The following ZNF865 variants were observed in gnomAD, a reference collection of about 807,000 sequenced individuals.
ZNF865 encodes the protein zinc finger protein 865.
For missense variants in ZNF865, 1,311 were observed against 1,593.4 expected (o/e 0.82, Z 3.02); for synonymous variants, 763 against 750.8 (o/e 1.02, Z -0.27).
Position 55,616,838 on chromosome 19 carries a change from C to G in ZNF865, c.*40C>G, listed in dbSNP as rs1241506879. 7.0e-7 allele frequency: 1 copy of G among 1,431,242 alleles called. No individual in the cohort carries two copies. The highest frequency in any genetic ancestry group is 2.9e-5 in the Admixed American group (1 of 34,718). 88.7% of individuals were successfully genotyped at this position (1,431,242 alleles called of 1,614,324 possible). On this transcript the variant is annotated 3_prime_UTR_variant, in exon 2 of 2. Transcript: ENST00000568956. Reference sequence around the variant, plus strand: ...TCCCACTCCCATCAAAAGCCCCCTTCTGGACTCCCACCTCCCAGGACTGAT... The same window carrying G: ...TCCCACTCCCATCAAAAGCCCCCTTGTGGACTCCCACCTCCCAGGACTGAT...
In ZNF865 at chr19:55,613,932, C is replaced by T. The variant is rs1473275380; in HGVS notation, c.314C>T (p.Ser105Leu). Residue 105 changes from serine to leucine, a missense_variant, in exon 2 of 2, where the codon TCG becomes TTG. Physicochemically the swap from Ser to Leu is moderately radical, Grantham distance 145. Coordinates refer to ENST00000568956, the MANE Select transcript of ZNF865 (RefSeq NM_001195605.2). ...TCCTCGTCCTCCTCCTCCTCCTCTT[C>T]GTCCTCCTCGTCGTCATCTTCGTCC... ...SSSSSSSSSS[S>L]SSSSSSSSSS... The T allele has an allele frequency of 2.6e-6, 4 of 1,530,508 alleles. No homozygotes were observed. The highest frequency in any genetic ancestry group is 3.9e-5 in the Admixed American group (2 of 50,744). The allele number at this position is 1,530,508 out of a possible 1,614,324, so 94.8% of individuals were successfully genotyped here.
At position 55,616,294 on chromosome 19, in the gene ZNF865, G is replaced by A. The variant is rs1275003914; in HGVS notation, c.2676G>A (p.Arg892=). ...GRGFLRSWYL[R]QHRVVHTGER... Reference sequence around the variant, plus strand: ...GCTTCCTGCGCTCCTGGTACCTGCGGCAGCACCGCGTGGTGCACACTGGCG... The same window carrying A: ...GCTTCCTGCGCTCCTGGTACCTGCGACAGCACCGCGTGGTGCACACTGGCG... Residue 892 remains arginine, a synonymous_variant, in exon 2 of 2, where the codon CGG becomes CGA. Coordinates refer to ENST00000568956, the MANE Select transcript of ZNF865 (RefSeq NM_001195605.2). The A allele has an allele frequency of 6.6e-7, 1 of 1,518,900 alleles. No homozygotes were observed. The highest frequency in any genetic ancestry group is 2.1e-5 in the Admixed American group (1 of 48,554). The allele number at this position is 1,518,900 out of a possible 1,614,324, so 94.1% of individuals were successfully genotyped here. A position where few individuals can be genotyped will look rare whatever the true frequency, so the allele number is the denominator to read the frequency against.
intron 1 of ZNF865, among the ~76,000 whole-genome samples, chr19:55,605,981 C>T (rs749051710): frequency 7.2e-5 from 11 of 152,250 alleles, no homozygotes; most frequent in East Asian, 1.9e-4. Context: ...TAAACGGCTG[C>T]CAGGGCCCCC....
chr19:55,615,372 A>G lies in ZNF865; in HGVS notation c.1754A>G (p.Lys585Arg). 6.6e-7 allele frequency: 1 copy of G among 1,503,878 alleles called. No homozygotes were observed. The highest frequency in any genetic ancestry group is 8.8e-7 in the Non-Finnish European group (1 of 1,132,454). 93.2% of individuals were successfully genotyped at this position (1,503,878 alleles called of 1,614,324 possible). Reference sequence around the variant, plus strand: ...CCCCACCAGTGCCCCGTGTGTGGGAAGCGCTTCCGCGAATCCTTCCACTTG... The same window carrying G: ...CCCCACCAGTGCCCCGTGTGTGGGAGGCGCTTCCGCGAATCCTTCCACTTG... ...EKPHQCPVCG[K>R]RFRESFHLSK... Residue 585 changes from lysine (K) to arginine (R), a missense_variant, in exon 2 of 2, where the codon AAG (lysine) becomes AGG (arginine). Physicochemically the swap from Lys to Arg is conservative, Grantham distance 26. Transcript: ENST00000568956.
intron 1 of ZNF865, 47 bp from the exon 2 acceptor site, chr19:55,613,546 G>T: frequency 7.0e-7 from 1 of 1,426,220 alleles, no homozygotes; most frequent in South Asian, 1.4e-5. Context: ...CCTGCGGGGA[G>T]ACCCAGCGCC....
In ZNF865 at chr19:55,616,758, C is replaced by T. The variant is rs1288638431; in HGVS notation, c.3140C>T (p.Pro1047Leu). 6.8e-7 allele frequency: 1 copy of T among 1,467,372 alleles called. No homozygotes were observed. Among genetic ancestry groups the T allele is most frequent in the South Asian group, 1.4e-5 (1 of 73,420 alleles). The allele number at this position is 1,467,372 out of a possible 1,614,324, so 90.9% of individuals were successfully genotyped here. ...LAHKAENLGG[P>L]GAGAGTLAGK... is the part of the protein sequence containing the mutation. ...CACAAGGCCGAGAACCTCGGGGGGCCTGGAGCAGGGGCGGGCACCTTGGCC... is the reference window on the plus strand; with the variant it reads ...CACAAGGCCGAGAACCTCGGGGGGCTTGGAGCAGGGGCGGGCACCTTGGCC... The change falls in exon 2 of 2, where the codon CCT becomes CTT. Residue 1047 changes from proline (P) to leucine (L), a missense_variant. By Grantham distance (98) the Pro-to-Leu change is moderately conservative. Coordinates refer to ENST00000568956, the MANE Select transcript of ZNF865 (RefSeq NM_001195605.2).
At position 55,616,171 on chromosome 19, in the gene ZNF865, G is replaced by T; in HGVS notation, c.2553G>T (p.Pro851=). The change falls in exon 2 of 2, where the codon CCG becomes CCT. Residue 851 remains proline (P), a synonymous_variant. Transcript: ENST00000568956. Reference sequence around the variant, plus strand: ...GGCAGAAGCGGGGTTTCCGCTGCCCGGTGTGCGGGAAGCGCTTCTGGGAGG... The same window carrying T: ...GGCAGAAGCGGGGTTTCCGCTGCCCTGTGTGCGGGAAGCGCTTCTGGGAGG... ...SHRQKRGFRC[P]VCGKRFWEAA... is the part of the protein sequence containing the mutation. 2 of 1,514,546 alleles carry T rather than the reference G, an allele frequency of 1.3e-6. No individual in the cohort carries two copies. The highest frequency in any genetic ancestry group is 1.8e-6 in the Non-Finnish European group (2 of 1,135,176). 93.8% of individuals were successfully genotyped at this position (1,514,546 alleles called of 1,614,324 possible). A position where few individuals can be genotyped will look rare whatever the true frequency, so the allele number is the denominator to read the frequency against.
chr19:55,612,792 T>TAGATG (rs1248775773), intron 1 of ZNF865: 1 of 152,208 alleles, frequency 6.6e-6, no homozygotes, highest in Admixed American at 6.5e-5. Flanking sequence ...TCCCCAGGTG[T>TAGATG]AGATGAGGAA....
chr19:55,615,504 G>A lies in ZNF865; in HGVS notation c.1886G>A (p.Arg629Gln). 3 of 1,509,298 alleles carry A rather than the reference G, an allele frequency of 2.0e-6. No homozygotes were observed. Among genetic ancestry groups the A allele is most frequent in the African/African-American group, 1.4e-5 (1 of 71,146 alleles). 93.5% of individuals were successfully genotyped at this position (1,509,298 alleles called of 1,614,324 possible). A position where few individuals can be genotyped will look rare whatever the true frequency, so the allele number is the denominator to read the frequency against. Residue 629 changes from arginine (R) to glutamine (Q), a missense_variant, in exon 2 of 2, where the codon CGG becomes CAG. Arg to Gln is a conservative substitution (Grantham distance 43, BLOSUM62 1). Coordinates refer to ENST00000568956, the MANE Select transcript of ZNF865 (RefSeq NM_001195605.2). ...QSLTRHRQVH[R>Q]LQLPCALAGA... is the part of the protein sequence containing the mutation. ...CTCACCCGCCACCGCCAGGTGCACC[G>A]GCTCCAGCTGCCCTGCGCCCTGGCC...
Position 55,615,757 on chromosome 19 carries a change from G to A in ZNF865, c.2139G>A (p.Met713Ile). The change falls in exon 2 of 2, where the codon ATG (methionine) becomes ATA (isoleucine). Residue 713 changes from methionine to isoleucine, a missense_variant. Physicochemically the swap from Met to Ile is conservative, Grantham distance 10. Transcript: ENST00000568956. ...GKTFGFIENL[M>I]WHKLVHQAAP... ...CCTTCGGCTTCATCGAGAACCTCAT[G>A]TGGCACAAGCTGGTCCACCAGGCCG... 2 of 1,532,018 alleles carry A rather than the reference G, an allele frequency of 1.3e-6. No individual in the cohort carries two copies. The highest frequency in any genetic ancestry group is 2.4e-5 in the South Asian group (2 of 83,634). 94.9% of individuals were successfully genotyped at this position (1,532,018 alleles called of 1,614,324 possible).
intron 1 of ZNF865, among the ~76,000 whole-genome samples, chr19:55,606,479 C>G (rs1237047756): frequency 2.6e-5 from 4 of 152,228 alleles, no homozygotes; most frequent in African/African-American, 9.6e-5. Context: ...CGTACCTCCT[C>G]TCACCCCACC....
At position 55,605,721 on chromosome 19, in the gene ZNF865, A is replaced by AC. The variant is rs1349963380; in HGVS notation, c.-34dup. The AC allele has an allele frequency of 6.9e-6, 1 of 144,452 alleles. No individual in the cohort carries two copies. Among genetic ancestry groups the AC allele is most frequent in the Non-Finnish European group, 1.5e-5 (1 of 65,952 alleles). 8.9% of individuals were successfully genotyped at this position (144,452 alleles called of 1,614,324 possible). A position where few individuals can be genotyped will look rare whatever the true frequency, so the allele number is the denominator to read the frequency against. The stretch of plus-strand genomic sequence containing the variant: ...CCTCCTCGGCCTCCTCCCGGCGGAG[A>AC]CCCCGGCGCCGGTGAGTGACGGGGT... On this transcript the variant is annotated 5_prime_UTR_variant, in exon 1 of 2. Transcript: ENST00000568956.
intron 1 of ZNF865, among the ~76,000 whole-genome samples, chr19:55,608,365 A>G (rs1480855207): frequency 7.8e-6 from 1 of 128,416 alleles, no homozygotes; most frequent in African/African-American, 3.1e-5. Context: ...CCCAGGCTGG[A>G]GTGCAGTGGT....
At position 55,613,764 on chromosome 19, in the gene ZNF865, G is replaced by A; in HGVS notation, c.146G>A (p.Gly49Glu). The change falls in exon 2 of 2, where the codon GGG (glycine) becomes GAG (glutamate). Residue 49 changes from glycine (G) to glutamate (E), a missense_variant. Coordinates refer to ENST00000568956, the MANE Select transcript of ZNF865 (RefSeq NM_001195605.2). ...HQRFEPMELY[G>E]EHAKAVAALP... ...CGCTTCGAGCCCATGGAACTGTATG[G>A]GGAACACGCCAAGGCGGTGGCGGCC... The A allele has an allele frequency of 1.3e-6, 2 of 1,534,524 alleles. No individual in the cohort carries two copies. Among genetic ancestry groups the A allele is most frequent in the Non-Finnish European group, 1.7e-6 (2 of 1,146,130 alleles).
At position 55,615,625 on chromosome 19, in the gene ZNF865, C is replaced by T. The variant is rs922622117; in HGVS notation, c.2007C>T (p.Tyr669=). The T allele has an allele frequency of 2.6e-6, 4 of 1,534,370 alleles. No individual in the cohort carries two copies. The highest frequency in any genetic ancestry group is 1.7e-4 in the Middle Eastern group (1 of 6,006). The part of the protein sequence containing the change: ...TSAGPTDGLS[Y]ACSDCGEHFP... ...CAGGGCCCACCGATGGGCTGAGCTA[C>T]GCCTGCTCGGACTGCGGCGAGCACT... Residue 669 remains tyrosine (Y), a synonymous_variant, in exon 2 of 2, where the codon TAC becomes TAT. Transcript: ENST00000568956.
At chr19:55,606,834 G>A (rs757921470) in intron 1 of ZNF865, among the ~76,000 whole-genome samples, 23 of 152,196 alleles carry the variant, frequency 1.5e-4, no homozygotes, top group South Asian at 4.1e-4. Context: ...GATCAGACAC[G>A]AGTCGACAAA....
rs911296060 is a variant in ZNF865 at position 55,615,659 on chromosome 19, C to T, written c.2041C>T (p.Leu681Phe). The T allele has an allele frequency of 4.9e-5, 75 of 1,534,602 alleles. No homozygotes were observed. Among genetic ancestry groups the T allele is most frequent in the Non-Finnish European group, 6.0e-5 (69 of 1,146,300 alleles). Residue 681 changes from leucine to phenylalanine, a missense_variant, in exon 2 of 2, where the codon CTC (leucine) becomes TTC (phenylalanine). By Grantham distance (22) the Leu-to-Phe change is conservative. Transcript: ENST00000568956. ...CSDCGEHFPDLFHVMSHKEVH... is the reference protein window; with the variant it reads ...CSDCGEHFPDFFHVMSHKEVH... ...GGACTGCGGCGAGCACTTCCCGGATCTCTTTCACGTCATGAGTCACAAGGA... is the reference window on the plus strand; with the variant it reads ...GGACTGCGGCGAGCACTTCCCGGATTTCTTTCACGTCATGAGTCACAAGGA...
chr19:55,615,033 C>T lies in ZNF865; in HGVS notation c.1415C>T (p.Ala472Val). The T allele has an allele frequency of 1.5e-6, 2 of 1,295,966 alleles. No homozygotes were observed. The highest frequency in any genetic ancestry group is 3.6e-5 in the East Asian group (1 of 28,100). The allele number at this position is 1,295,966 out of a possible 1,614,324, so 80.3% of individuals were successfully genotyped here. Residue 472 changes from alanine to valine, a missense_variant, in exon 2 of 2, where the codon GCG becomes GTG. Transcript: ENST00000568956. ...GCCCCGCCCGCTGCCGCTGCGGAGG[C>T]GCCCAAGGACGGGGCGGCCTCGGCC... ...AHAPPAAAAE[A>V]PKDGAASAPQ...
Position 55,609,774 on chromosome 19 carries a change from C to A in ZNF865, c.-26-3819C>A, listed in dbSNP as rs78597880. 4.1e-3 allele frequency among the ~76,000 whole-genome samples: 623 copies of A among 152,312 alleles called. 4 individuals are homozygous for A. Among genetic ancestry groups the A allele is most frequent in the African/African-American group, 0.014 (592 of 41,572 alleles). On this transcript the variant is annotated intron_variant, in intron 1 of 1. Coordinates refer to ENST00000568956, the MANE Select transcript of ZNF865 (RefSeq NM_001195605.2). ...CCGTTAATACACTTGCTGTGGGACT[C>A]CTGTCCCTTGGTGGTGGTGGTGGAG...
Sources: allele counts gnomAD v4.1 joint callset (sites outside exome capture counted in the v4.1 genomes callset), GRCh38; gene constraint gnomAD v4.1.1; transcripts MANE v1.5; gene names NCBI Gene and HGNC (gene_info 2026-07-23, HGNC 2026-07-21).